Variants in UHRF1 observed in about 807,000 individuals in gnomAD.
UHRF1 encodes the protein ubiquitin like with PHD and ring finger domains 1.
A neutral mutation model predicts 96.5 loss-of-function variants in UHRF1; 9 were observed. The observed-to-expected ratio is 0.09, with a 90% CI of 0.06 to 0.16. UHRF1 has a LOEUF of 0.16. Ranked by LOEUF, UHRF1 falls within the 10% of genes least tolerant of loss-of-function variation. The pLI is 1.00. For missense variants in UHRF1, 626 were observed against 1,131.1 expected, an observed-to-expected ratio of 0.55 and a Z score of 6.40; for synonymous variants, 455 against 469.9, an observed-to-expected ratio of 0.97 and a Z score of 0.41.
intron 1 of UHRF1, 144 bp downstream of exon 1, chr19:4,909,799 A>C (rs2032178819): frequency 6.8e-6 from 3 of 443,258 alleles, no homozygotes; most frequent in Non-Finnish European, 1.2e-5. Flanking sequence ...CCTTCCACCT[A>C]ACCCTCGGGA....
At chr19:4,959,511 G>A (rs551593758) in intron 16 of UHRF1, among the ~76,000 whole-genome samples, 1 of 152,194 alleles carries the variant, frequency 6.6e-6, no homozygotes, top group South Asian at 2.1e-4. Context: ...CCTCCCTGGC[G>A]TGCAGCCAGC....
In UHRF1 at chr19:4,932,927, G is replaced by A. The variant is rs757731189; in HGVS notation, c.756G>A (p.Ala252=). The change falls in exon 5 of 17, where the codon GCG becomes GCA. Residue 252 remains alanine, a synonymous_variant. Coordinates refer to ENST00000650932, the MANE Select transcript of UHRF1 (RefSeq NM_001048201.3). ...EISRKRETRT[A]RELYANVVLG... is the part of the protein sequence containing the mutation. The stretch of plus-strand genomic sequence containing the variant: ...CCAGGAAGCGCGAGACCAGGACGGC[G>A]CGGGAACTCTACGCCAACGTGGTGC... 6.8e-6 allele frequency: 11 copies of A among 1,613,188 alleles called. No individual in the cohort carries two copies. The highest frequency in any genetic ancestry group is 6.7e-5 in the Admixed American group (4 of 59,938).
intron 2 of UHRF1, among the ~76,000 whole-genome samples, chr19:4,913,536 T>G (rs1453203604): frequency 1.3e-5 from 2 of 152,068 alleles, no homozygotes; most frequent in Non-Finnish European, 2.9e-5. Context: ...ATTACAGGTG[T>G]GAACCACTGC....
chr19:4,942,550 G>A (rs757923505), intron 7 of UHRF1, among the ~76,000 whole-genome samples: 3 of 152,034 alleles, frequency 2.0e-5, no homozygotes, highest in Admixed American at 6.6e-5. Context: ...CCGGGTTCAA[G>A]CAATTCTCGT....
In UHRF1 at chr19:4,954,235, A is replaced by T. The variant is rs1374068301; in HGVS notation, c.1819-115A>T. ...GGACTACCCTGTGCTCTTCAGGGGG[A>T]TTGGGGGTCAGGTGTGTCTGGAAAC... On this transcript the variant is annotated intron_variant, in intron 13 of 16. Coordinates refer to ENST00000650932, the MANE Select transcript of UHRF1 (RefSeq NM_001048201.3). The surrounding 1 kb of genome is among the most constrained non-coding windows in gnomAD (Gnocchi z 5.9). 1.2e-5 allele frequency: 18 copies of T among 1,483,764 alleles called. No homozygotes were observed. The East Asian group carries it at 4.0e-4, about 33-fold the overall frequency. 91.9% of individuals were successfully genotyped at this position (1,483,764 alleles called of 1,614,324 possible).
intron 1 of UHRF1, 64 bp from the exon 2 acceptor site, chr19:4,910,812 G>A (rs1228882116): frequency 1.3e-6 from 2 of 1,519,844 alleles, no homozygotes; most frequent in Non-Finnish European, 1.8e-6. Context: ...CGACTCCTTA[G>A]AGCATGGCAT....
chr19:4,949,983 A>G (rs1221830291), intron 11 of UHRF1, among the ~76,000 whole-genome samples: 1 of 148,390 alleles, frequency 6.7e-6, no homozygotes, highest in Non-Finnish European at 1.5e-5. Context: ...TGATCCTCCC[A>G]CCTCAGCCTC....
rs754709561 is a variant in UHRF1, at chr19:4,930,850, C to G, written c.543C>G (p.Asp181Glu). The G allele has an allele frequency of 3.1e-6, 5 of 1,613,784 alleles. No homozygotes were observed. Among genetic ancestry groups the G allele is most frequent in the Non-Finnish European group, 4.2e-6 (5 of 1,179,876 alleles). The change falls in exon 4 of 17, where the codon GAC becomes GAG. Residue 181 changes from aspartate to glutamate, a missense_variant. Asp to Glu is a conservative substitution (Grantham distance 45). Coordinates refer to ENST00000650932, the MANE Select transcript of UHRF1 (RefSeq NM_001048201.3). This position sits in a 1 kb window ranked among gnomAD's most constrained non-coding sequence, Gnocchi z 4.4. The stretch of plus-strand genomic sequence containing the variant: ...CGTCCAGGCCGGCGCTGGAGGAGGA[C>G]GTCATTTACCACGTGAAATACGACG... ...SSTSRPALEE[D>E]VIYHVKYDDY...
At chr19:4,947,308 A>G in intron 11 of UHRF1, 97 bp downstream of exon 11, 2 of 1,125,224 alleles carry the variant, frequency 1.8e-6, no homozygotes, top group Non-Finnish European at 1.3e-6. Context: ...TAGTCTCATT[A>G]GGAGCGTGGT....
intron 2 of UHRF1, among the ~76,000 whole-genome samples, chr19:4,913,411 G>A (rs1443312561): frequency 6.6e-6 from 1 of 151,758 alleles, no homozygotes; most frequent in African/African-American, 2.4e-5. Flanking sequence ...CCACCACCAC[G>A]CCTGATTAAT....
upstream of UHRF1, chr19:4,909,060 A>C (rs2032141146): frequency 6.2e-6 from 1 of 161,072 alleles, no homozygotes; most frequent in Admixed American, 6.5e-5. Context: ...GCTTGGGGCG[A>C]TCGGGCGAGC....
At chr19:4,945,028 A>AC (rs1436476632) in intron 9 of UHRF1, among the ~76,000 whole-genome samples, 3 of 152,140 alleles carry the variant, frequency 2.0e-5, no homozygotes, top group Non-Finnish European at 4.4e-5. Context: ...GGTGAGATGC[A>AC]CTGAGCTGGG....
Position 4,947,101 on chromosome 19 carries a change from T to G in UHRF1, c.1411-4T>G, listed in dbSNP as rs139090790. ...GGTTCACCCAGCCTTCTTGTCTGTT[T>G]CAGGACCATGGGAATTTTTTCACAT... On this transcript the variant is annotated splice_polypyrimidine_tract_variant and splice_region_variant and intron_variant, in intron 10 of 16. Coordinates refer to ENST00000650932, the MANE Select transcript of UHRF1 (RefSeq NM_001048201.3). 1.7e-4 allele frequency: 282 copies of G among 1,613,156 alleles called. No individual in the cohort carries two copies. The African/African-American group carries it at 3.5e-3, about 20-fold the overall frequency.
intron 5 of UHRF1, among the ~76,000 whole-genome samples, chr19:4,937,065 G>C (rs938642175): frequency 6.6e-6 from 1 of 151,310 alleles, no homozygotes; most frequent in Non-Finnish European, 1.5e-5. Context: ...ACGGAGTCTC[G>C]CTCTCTTTTG....
chr19:4,955,732 C>T (rs916877148), intron 15 of UHRF1, among the ~76,000 whole-genome samples: 2 of 151,892 alleles, frequency 1.3e-5, no homozygotes, highest in East Asian at 1.9e-4. Flanking sequence ...AGGTGTCTTT[C>T]GAGTCATCCG....
intron 5 of UHRF1, among the ~76,000 whole-genome samples, chr19:4,938,026 C>T (rs1402754215): frequency 6.6e-6 from 1 of 151,972 alleles, no homozygotes; most frequent in Admixed American, 6.6e-5. Flanking sequence ...TGGTGGTGTG[C>T]ACCTGCAGCC....
rs1181760507 is a variant in UHRF1, at chr19:4,929,325, G to A, written c.257G>A (p.Arg86Gln). The change falls in exon 3 of 17, where the codon CGG (arginine) becomes CAG (glutamine). Residue 86 changes from arginine to glutamine, a missense_variant. This residue lies in a region of UHRF1 where 53 missense variants were observed against 95.9 expected (regional missense o/e 0.55). Transcript: ENST00000650932. ...GTGCTCCCCCACAGCACCAAGGAGCGGGACTCCGAGCTCTCCGACACCGAC... is the reference window on the plus strand; with the variant it reads ...GTGCTCCCCCACAGCACCAAGGAGCAGGACTCCGAGCTCTCCGACACCGAC... Reference protein sequence around the residue: ...SLVLPHSTKERDSELSDTDSG... With the variant: ...SLVLPHSTKEQDSELSDTDSG... The A allele has an allele frequency of 6.2e-6, 10 of 1,613,650 alleles. No homozygotes were observed. Among genetic ancestry groups the A allele is most frequent in the Non-Finnish European group, 8.5e-6 (10 of 1,179,888 alleles).
chr19:4,947,088 C>T lies in UHRF1; in HGVS notation c.1411-17C>T, dbSNP rs2033588616. The T allele has an allele frequency of 3.7e-6, 6 of 1,607,766 alleles. No individual in the cohort carries two copies. Among genetic ancestry groups the T allele is most frequent in the Non-Finnish European group, 5.1e-6 (6 of 1,175,344 alleles). Reference sequence around the variant, plus strand: ...TGCCTCTGCAGAGGGTTCACCCAGCCTTCTTGTCTGTTTCAGGACCATGGG... The same window carrying T: ...TGCCTCTGCAGAGGGTTCACCCAGCTTTCTTGTCTGTTTCAGGACCATGGG... On this transcript the variant is annotated splice_polypyrimidine_tract_variant and intron_variant, in intron 10 of 16. Coordinates refer to ENST00000650932, the MANE Select transcript of UHRF1 (RefSeq NM_001048201.3).
intron 2 of UHRF1, among the ~76,000 whole-genome samples, chr19:4,922,536 G>C (rs901862857): frequency 3.9e-5 from 6 of 152,184 alleles, no homozygotes; most frequent in African/African-American, 1.4e-4. Flanking sequence ...CCCAAGTGCT[G>C]GGATTACAGG....
Sources: allele counts gnomAD v4.1 joint callset (sites outside exome capture counted in the v4.1 genomes callset), GRCh38; gene constraint gnomAD v4.1.1; regional missense constraint gnomAD v4.1.1; non-coding constraint Gnocchi (gnomAD v3.1); transcripts MANE v1.5; gene names NCBI Gene and HGNC (gene_info 2026-07-23, HGNC 2026-07-21).